The following COMMD10 variants were observed in gnomAD, a reference collection of about 807,000 sequenced individuals.
The protein encoded by COMMD10 is COMM domain-containing protein 10.
In COMMD10, 33 loss-of-function variants were observed where a neutral mutation model predicts 28.9. That is an observed-to-expected ratio of 1.14 (90% CI 0.87 to 1.53). The LOEUF (loss-of-function observed/expected upper bound fraction) is 1.53. Among genes scored for constraint, COMMD10 ranks in the 40% most tolerant of loss-of-function variants. The pLI, the probability that COMMD10 is intolerant of heterozygous loss-of-function variation, is 0.00. For missense variants in COMMD10, 310 were observed against 233.4 expected (o/e 1.33, Z -2.14); for synonymous variants, 110 against 81.7 (o/e 1.35, Z -1.87).
At position 116,096,459 on chromosome 5, in the gene COMMD10, A is replaced by ATT. The variant is rs575429733; in HGVS notation, c.399+3760_399+3761dup. On this transcript the variant is annotated intron_variant, in intron 4 of 6. Coordinates refer to ENST00000274458, the MANE Select transcript of COMMD10 (RefSeq NM_016144.4). The stretch of plus-strand genomic sequence containing the variant: ...TGATCTCTATCCTGTAACTTGGTAA[A>ATT]TTCACTAATTAGTTTTAGCAGCTTT... Among the ~76,000 whole-genome samples, 31 of 152,142 alleles carry ATT rather than the reference A, an allele frequency of 2.0e-4. No homozygotes were observed. In the East Asian group the frequency reaches 5.0e-3, roughly 25 times the overall value.
intron 5 of COMMD10, among the ~76,000 whole-genome samples, chr5:116,211,188 G>A (rs1444789156): frequency 6.6e-6 from 1 of 152,060 alleles, no homozygotes; most frequent in Non-Finnish European, 1.5e-5. Flanking sequence ...ATATTTGTAT[G>A]TATATGCAGT....
chr5:116,171,615 T>C (rs936960808), intron 5 of COMMD10, among the ~76,000 whole-genome samples: 1 of 152,170 alleles, frequency 6.6e-6, no homozygotes. Flanking sequence ...AAAGAAAATG[T>C]GGCACATATA....
intron 5 of COMMD10, among the ~76,000 whole-genome samples, chr5:116,276,003 T>G (rs540290308): frequency 6.6e-6 from 1 of 150,912 alleles, no homozygotes; most frequent in African/African-American, 2.5e-5. Context: ...AGGAACACAC[T>G]ATGTTTTGGA....
At chr5:116,242,176 G>A (rs10045681) in intron 5 of COMMD10, among the ~76,000 whole-genome samples, 91,782 of 151,948 alleles carry the variant, frequency 0.6, 31,226 homozygotes, top group South Asian at 0.77. Context: ...GATTCTGACC[G>A]TATCTAATAA....
intron 4 of COMMD10, among the ~76,000 whole-genome samples, chr5:116,104,214 T>C (rs922709032): frequency 7.2e-5 from 11 of 152,224 alleles, no homozygotes; most frequent in African/African-American, 2.4e-4. Context: ...GGGGATAGCA[T>C]TGAATCTATA....
intron 5 of COMMD10, among the ~76,000 whole-genome samples, chr5:116,285,559 A>G (rs760010213): frequency 6.6e-6 from 1 of 151,974 alleles, no homozygotes; most frequent in African/African-American, 2.4e-5. Context: ...GAGAAATGGC[A>G]ATGATTATGA....
At position 116,197,568 on chromosome 5, in the gene COMMD10, A is replaced by G. The variant is rs573165497; in HGVS notation, c.510+63390A>G. ...ATTTTTATTTTATTTTATTTTTTGT[A>G]GAGACAGGTTCTCACTATGTTGCCC... On this transcript the variant is annotated intron_variant, in intron 5 of 6. Transcript: ENST00000274458. 8.6e-5 allele frequency among the ~76,000 whole-genome samples: 13 copies of G among 151,932 alleles called. No individual in the cohort carries two copies. In the South Asian group the frequency reaches 2.5e-3, roughly 29 times the overall value.
At chr5:116,177,050 G>C (rs934949356) in intron 5 of COMMD10, among the ~76,000 whole-genome samples, 14 of 152,104 alleles carry the variant, frequency 9.2e-5, no homozygotes, top group Admixed American at 8.5e-4. Flanking sequence ...TTTTGGGGGT[G>C]CAGTCAAGCT....
intron 5 of COMMD10, among the ~76,000 whole-genome samples, chr5:116,168,730 A>G (rs1309154030): frequency 6.6e-6 from 1 of 152,226 alleles, no homozygotes; most frequent in African/African-American, 2.4e-5. Context: ...CTGAATGACT[A>G]CTGGGTAAAT....
At chr5:116,291,873 A>G (rs2068456) in intron 6 of COMMD10, among the ~76,000 whole-genome samples, 15,617 of 152,152 alleles carry the variant, frequency 0.1, 916 homozygotes, top group East Asian at 0.16. Context: ...TTAAATATAT[A>G]TAATGTCAAA....
chr5:116,112,427 G>A lies in COMMD10; in HGVS notation c.399+19727G>A, dbSNP rs375610956. Among the ~76,000 whole-genome samples the A allele has an allele frequency of 1.9e-3, 290 of 151,522 alleles. 2 individuals carry two copies. Among genetic ancestry groups the A allele is most frequent in the African/African-American group, 6.5e-3 (269 of 41,272 alleles). The stretch of plus-strand genomic sequence containing the variant: ...TTTTCTTTTTTTTTGAGATGGAGTC[G>A]CGTGCTGTCGCCAAGCTGGAGTGCA... On this transcript the variant is annotated intron_variant, in intron 4 of 6. Coordinates refer to ENST00000274458, the MANE Select transcript of COMMD10 (RefSeq NM_016144.4).
At chr5:116,265,779 T>C (rs1750568105) in intron 5 of COMMD10, among the ~76,000 whole-genome samples, 1 of 151,722 alleles carries the variant, frequency 6.6e-6, no homozygotes, top group African/African-American at 2.4e-5. Flanking sequence ...CATAATTTGC[T>C]CAAGGTCACA....
At chr5:116,153,256 A>G (rs1295051962) in intron 5 of COMMD10, among the ~76,000 whole-genome samples, 3 of 151,712 alleles carry the variant, frequency 2.0e-5, no homozygotes, top group Non-Finnish European at 4.4e-5. Context: ...GAAAAAATAT[A>G]AGCCTTTCCC....
At chr5:116,241,598 A>ATTTAT (rs977829399) in intron 5 of COMMD10, among the ~76,000 whole-genome samples, 1 of 148,278 alleles carries the variant, frequency 6.7e-6, no homozygotes, top group Non-Finnish European at 1.5e-5. Context: ...TTATTTATTT[A>ATTTAT]TTTATTTATT....
chr5:116,110,852 C>G (rs1255463854), intron 4 of COMMD10, among the ~76,000 whole-genome samples: 1 of 152,144 alleles, frequency 6.6e-6, no homozygotes, highest in Non-Finnish European at 1.5e-5. Context: ...CAAGAGAATT[C>G]ACTATTGTGA....
intron 5 of COMMD10, among the ~76,000 whole-genome samples, chr5:116,270,358 C>G (rs1363228878): frequency 6.6e-6 from 1 of 151,814 alleles, no homozygotes; most frequent in East Asian, 1.9e-4. Context: ...TAGACTGGGA[C>G]CAGTTTATAG....
intron 5 of COMMD10, among the ~76,000 whole-genome samples, chr5:116,220,819 A>T (rs1052371426): frequency 1.3e-5 from 2 of 152,150 alleles, no homozygotes; most frequent in African/African-American, 4.8e-5. Flanking sequence ...ATTATTTTAA[A>T]GGGACCATCT....
At chr5:116,257,830 G>T (rs949952001) in intron 5 of COMMD10, among the ~76,000 whole-genome samples, 1 of 151,694 alleles carries the variant, frequency 6.6e-6, no homozygotes, top group Non-Finnish European at 1.5e-5. Context: ...TGTATAATGT[G>T]CCTACAAGGT....
chr5:116,284,433 G>T (rs1031877425), intron 5 of COMMD10, among the ~76,000 whole-genome samples: 1 of 151,832 alleles, frequency 6.6e-6, no homozygotes, highest in Non-Finnish European at 1.5e-5. Context: ...AGATGTGGAT[G>T]TGTTTTCATA....
Sources: gnomAD v4.1 joint callset for allele counts (sites outside exome capture counted in the v4.1 genomes callset) on GRCh38, gnomAD v4.1.1 for gene constraint, MANE v1.5 for transcripts, NCBI Gene and HGNC (gene_info 2026-07-23, HGNC 2026-07-21) for gene names.